CDKAL1: variants seen among roughly 807,000 people sequenced by gnomAD.
CDKAL1 encodes CDKAL1 threonylcarbamoyladenosine tRNA methylthiotransferase, also known as threonylcarbamoyladenosine tRNA methylthiotransferase.
Under a neutral mutation model 68.2 loss-of-function variants are expected in CDKAL1, and 32 were observed. That is an observed-to-expected ratio of 0.47 (90% confidence interval 0.35 to 0.63). CDKAL1 has a LOEUF of 0.63. Ranked by LOEUF, CDKAL1 falls within the 30% of genes least tolerant of loss-of-function variation. The probability of loss-of-function intolerance (pLI) is 0.00; values close to 1 mark genes in which losing one functional copy is unlikely to be tolerated. For synonymous variants in CDKAL1, 234 were observed against 244.3 expected (o/e 0.96, Z 0.39); for missense variants, 606 against 696.7 (o/e 0.87, Z 1.47).
intron 9 of CDKAL1, among the ~76,000 whole-genome samples, chr6:20,910,114 T>G (rs2150620728): frequency 6.6e-6 from 1 of 152,340 alleles, no homozygotes; most frequent in Admixed American, 6.5e-5. Context: ...CTCTAACTGT[T>G]CCTTGTCCTC....
intron 8 of CDKAL1, among the ~76,000 whole-genome samples, chr6:20,836,958 C>T (rs1363278988): frequency 6.6e-6 from 1 of 152,140 alleles, no homozygotes; most frequent in Non-Finnish European, 1.5e-5. Flanking sequence ...CCCTCATTTT[C>T]TCTCTCTGGT....
At chr6:20,739,737 A>G in intron 6 of CDKAL1, 122 bp downstream of exon 6, 1 of 522,964 alleles carries the variant, frequency 1.9e-6, no homozygotes, top group Non-Finnish European at 3.4e-6. Context: ...GCTGTCCTAA[A>G]CATATTTTCC....
rs777479966 is a variant in CDKAL1 at position 21,173,530 on chromosome 6, G to A, written c.1300-24491G>A. Among the ~76,000 whole-genome samples the A allele has an allele frequency of 7.9e-5, 12 of 152,324 alleles. No homozygotes were observed. The South Asian group carries it at 1.2e-3, about 16-fold the overall frequency. On this transcript the variant is annotated intron_variant, in intron 13 of 15. Coordinates refer to ENST00000274695, the MANE Select transcript of CDKAL1 (RefSeq NM_017774.3). ...TGAACATGCATTGACACTCATTGAT[G>A]AGAAGAGAAGCTTGAGGGTCCACAT...
chr6:21,167,969 A>G (rs933212204), intron 13 of CDKAL1, among the ~76,000 whole-genome samples: 3 of 152,184 alleles, frequency 2.0e-5, no homozygotes, highest in African/African-American at 7.2e-5. Flanking sequence ...ATACTAAATT[A>G]TAAACAGCTT....
At chr6:20,820,642 A>G (rs902183397) in intron 8 of CDKAL1, among the ~76,000 whole-genome samples, 2 of 152,050 alleles carry the variant, frequency 1.3e-5, no homozygotes, top group African/African-American at 4.8e-5. Flanking sequence ...CCAGTGTCCT[A>G]TATTCTTAAG....
chr6:20,597,024 CAGA>C (rs1411199422), intron 4 of CDKAL1, among the ~76,000 whole-genome samples: 1 of 152,236 alleles, frequency 6.6e-6, no homozygotes, highest in African/African-American at 2.4e-5. Flanking sequence ...GTTGGAAACG[CAGA>C]AATCACCCGC....
intron 6 of CDKAL1, among the ~76,000 whole-genome samples, chr6:20,741,498 G>A (rs1273119430): frequency 4.0e-5 from 6 of 151,878 alleles, no homozygotes; most frequent in African/African-American, 1.5e-4. Context: ...CCCCAGTGTG[G>A]TGTTACCGCC....
chr6:20,878,772 A>G (rs1760665686), intron 9 of CDKAL1, among the ~76,000 whole-genome samples: 1 of 146,584 alleles, frequency 6.8e-6, no homozygotes, highest in African/African-American at 2.5e-5. Context: ...CAACTCTATC[A>G]GATTTTAAAG....
intron 4 of CDKAL1, among the ~76,000 whole-genome samples, chr6:20,589,119 CAG>C (rs1765490567): frequency 6.6e-6 from 1 of 152,062 alleles, no homozygotes; most frequent in Non-Finnish European, 1.5e-5. Context: ...TGCAGCCACA[CAG>C]AGAAATTTTA....
At chr6:20,596,949 G>A (rs1290303513) in intron 4 of CDKAL1, among the ~76,000 whole-genome samples, 5 of 152,050 alleles carry the variant, frequency 3.3e-5, no homozygotes, top group African/African-American at 9.7e-5. Flanking sequence ...GCCCTGCTTC[G>A]GCTTGCCCCC....
chr6:20,720,565 G>C (rs1267232892), intron 5 of CDKAL1, among the ~76,000 whole-genome samples: 2 of 152,138 alleles, frequency 1.3e-5, no homozygotes, highest in East Asian at 3.9e-4. Flanking sequence ...AGAGTGCAGT[G>C]GTGTGATCTC....
intron 9 of CDKAL1, among the ~76,000 whole-genome samples, chr6:20,947,562 G>T (rs1053964948): frequency 6.6e-6 from 1 of 152,130 alleles, no homozygotes; most frequent in Non-Finnish European, 1.5e-5. Context: ...CTGCATTGCA[G>T]CCTTGGTGAC....
At chr6:20,632,745 A>T (rs976114006) in intron 4 of CDKAL1, among the ~76,000 whole-genome samples, 1 of 152,168 alleles carries the variant, frequency 6.6e-6, no homozygotes, top group South Asian at 2.1e-4. Flanking sequence ...AGTCTCTTCT[A>T]TCTCCTGAGT....
At chr6:20,817,290 C>T (rs978685124) in intron 8 of CDKAL1, among the ~76,000 whole-genome samples, 7 of 151,740 alleles carry the variant, frequency 4.6e-5, no homozygotes, top group Admixed American at 3.9e-4. Flanking sequence ...TATATGGCAG[C>T]CCATTTAAAA....
chr6:20,609,676 ATCT>A (rs1410293206), intron 4 of CDKAL1, among the ~76,000 whole-genome samples: 1 of 151,850 alleles, frequency 6.6e-6, no homozygotes. Flanking sequence ...ATTATTATTC[ATCT>A]TAATGTTCTC....
At chr6:20,657,114 T>C (rs2328546) in intron 5 of CDKAL1, among the ~76,000 whole-genome samples, 123,124 of 152,092 alleles carry the variant, frequency 0.81, 49,920 homozygotes, top group Middle Eastern at 0.88. Context: ...CAGATATTTT[T>C]CCAGTTGTCA....
At chr6:21,190,552 A>AGATGGAG (rs1778193914) in intron 13 of CDKAL1, among the ~76,000 whole-genome samples, 2 of 152,116 alleles carry the variant, frequency 1.3e-5, no homozygotes, top group African/African-American at 4.8e-5. Context: ...ATTTTTGTAG[A>AGATGGAG]GATGGAGTTT....
intron 5 of CDKAL1, among the ~76,000 whole-genome samples, chr6:20,727,556 GT>G (rs1232190453): frequency 1.3e-5 from 2 of 152,106 alleles, no homozygotes; most frequent in African/African-American, 2.4e-5. Context: ...CATTTGTAAG[GT>G]TTTTTAAAAT....
At chr6:20,565,216 A>G (rs1223992126) in intron 4 of CDKAL1, among the ~76,000 whole-genome samples, 1 of 152,094 alleles carries the variant, frequency 6.6e-6, no homozygotes, top group African/African-American at 2.4e-5. Context: ...AGACAGTTCC[A>G]TTACTATTAT....
Sources: allele counts gnomAD v4.1 joint callset (sites outside exome capture counted in the v4.1 genomes callset), GRCh38; gene constraint gnomAD v4.1.1; transcripts MANE v1.5; gene names NCBI Gene and HGNC (gene_info 2026-07-23, HGNC 2026-07-21).